The following RSRC1 variants were observed in gnomAD, a reference collection of about 807,000 sequenced individuals.
RSRC1 encodes the protein arginine and serine rich coiled-coil 1.
RSRC1 carries 39 observed loss-of-function variants against 49.1 expected under a neutral mutation model. The ratio of observed to expected loss-of-function variants is 0.79; its 90% confidence interval spans 0.61 to 1.04. The LOEUF is 1.04. RSRC1 is among the 50% of genes least tolerant of loss of function. The probability of loss-of-function intolerance (pLI) is 0.00; values close to 1 mark genes in which losing one functional copy is unlikely to be tolerated. For missense variants in RSRC1, 388 were observed against 402.4 expected (o/e 0.96, Z 0.31); for synonymous variants, 143 against 130.8 (o/e 1.09, Z -0.63).
At chr3:158,511,721 T>C (rs1271390264) in intron 7 of RSRC1, among the ~76,000 whole-genome samples, 1 of 152,242 alleles carries the variant, frequency 6.6e-6, no homozygotes, top group East Asian at 1.9e-4. Context: ...ATGGTTGAAC[T>C]AGTTTACAGT....
At chr3:158,116,582 T>G (rs1038099334) in intron 1 of RSRC1, among the ~76,000 whole-genome samples, 1 of 152,176 alleles carries the variant, frequency 6.6e-6, no homozygotes, top group African/African-American at 2.4e-5. Flanking sequence ...CAGTGACTAC[T>G]AAGTATAATT....
At chr3:158,510,891 T>G (rs1740128582) in intron 7 of RSRC1, among the ~76,000 whole-genome samples, 2 of 152,200 alleles carry the variant, frequency 1.3e-5, no homozygotes, top group South Asian at 4.1e-4. Context: ...TTTCATTAAA[T>G]AGATTAAGTA....
chr3:158,517,493 G>T (rs1348850052), intron 7 of RSRC1, among the ~76,000 whole-genome samples: 11 of 151,936 alleles, frequency 7.2e-5, no homozygotes, highest in African/African-American at 2.7e-4. Flanking sequence ...TTTTTTATAG[G>T]GGGTGATGTT....
At chr3:158,221,850 G>T (rs998874903) in intron 4 of RSRC1, among the ~76,000 whole-genome samples, 1 of 151,422 alleles carries the variant, frequency 6.6e-6, no homozygotes, top group African/African-American at 2.4e-5. Context: ...TTTAAAAGAG[G>T]TATTTATTAT....
At chr3:158,392,198 A>G (rs1166789578) in intron 6 of RSRC1, among the ~76,000 whole-genome samples, 1 of 152,144 alleles carries the variant, frequency 6.6e-6, no homozygotes, top group Non-Finnish European at 1.5e-5. Context: ...ATAGATTCAG[A>G]TATCAATTGC....
At chr3:158,428,000 G>A (rs1449541855) in intron 6 of RSRC1, among the ~76,000 whole-genome samples, 1 of 151,464 alleles carries the variant, frequency 6.6e-6, no homozygotes, top group African/African-American at 2.4e-5. Context: ...TTTGGTTCTT[G>A]AGATATACTG....
At chr3:158,274,219 G>A (rs1194336477) in intron 4 of RSRC1, among the ~76,000 whole-genome samples, 1 of 152,056 alleles carries the variant, frequency 6.6e-6, no homozygotes, top group Non-Finnish European at 1.5e-5. Flanking sequence ...CTGAGAACAT[G>A]TTTGGGATTT....
At chr3:158,371,659 C>G (rs1364976807) in intron 6 of RSRC1, among the ~76,000 whole-genome samples, 1 of 151,800 alleles carries the variant, frequency 6.6e-6, no homozygotes, top group Non-Finnish European at 1.5e-5. Context: ...ATGAAATAAA[C>G]CATTATAACT....
chr3:158,453,795 A>G lies in RSRC1; in HGVS notation c.584-7140A>G, dbSNP rs185414149. ...ATGGCCCTGTGGCTTTTAAATGTTT[A>G]TGTTTGTGTGTATGTGTATTTACTT... On this transcript the variant is annotated intron_variant, in intron 6 of 9. Transcript: ENST00000611884. Among the ~76,000 whole-genome samples the G allele has an allele frequency of 5.3e-5, 8 of 151,888 alleles. No homozygotes were observed. In the East Asian group the frequency reaches 1.5e-3, roughly 29 times the overall value.
intron 4 of RSRC1, among the ~76,000 whole-genome samples, chr3:158,297,827 T>G (rs1168704095): frequency 1.3e-5 from 2 of 151,990 alleles, no homozygotes; most frequent in African/African-American, 4.8e-5. Context: ...AATCTGAAAC[T>G]TTTTTTAGTG....
intron 7 of RSRC1, among the ~76,000 whole-genome samples, chr3:158,516,867 C>A (rs1026848986): frequency 7.2e-5 from 11 of 152,314 alleles, no homozygotes; most frequent in Non-Finnish European, 1.3e-4. Flanking sequence ...TTCCAGGTGC[C>A]GTCTGTCACC....
chr3:158,402,853 G>C (rs1253097837), intron 6 of RSRC1, among the ~76,000 whole-genome samples: 2 of 151,776 alleles, frequency 1.3e-5, no homozygotes, highest in Admixed American at 6.6e-5. Context: ...TTGCCTTTAA[G>C]CTGTATGTAT....
At chr3:158,276,912 C>G (rs1725851378) in intron 4 of RSRC1, among the ~76,000 whole-genome samples, 1 of 152,094 alleles carries the variant, frequency 6.6e-6, no homozygotes. Context: ...CCCCCATTTC[C>G]TAAAGTCAAA....
intron 6 of RSRC1, among the ~76,000 whole-genome samples, chr3:158,445,660 CA>C (rs752318115): frequency 6.6e-6 from 1 of 151,836 alleles, no homozygotes; most frequent in African/African-American, 2.4e-5. Flanking sequence ...ACAACAACAA[CA>C]ACGAAAAAAA....
chr3:158,171,953 TCAACAACAA>T (rs374799867), intron 3 of RSRC1, among the ~76,000 whole-genome samples: 6,533 of 151,102 alleles, frequency 0.043, 444 homozygotes, highest in African/African-American at 0.15. Context: ...CTGTGTCGCT[TCAACAACAA>T]CAACAACAAC....
At chr3:158,268,999 A>T (rs827090) in intron 4 of RSRC1, among the ~76,000 whole-genome samples, 93,339 of 151,974 alleles carry the variant, frequency 0.61, 29,042 homozygotes, top group East Asian at 0.73. Context: ...CCATAACCAG[A>T]TTGAAAAAGG....
chr3:158,173,516 T>G (rs775952440), intron 3 of RSRC1, among the ~76,000 whole-genome samples: 1 of 152,022 alleles, frequency 6.6e-6, no homozygotes, highest in Non-Finnish European at 1.5e-5. Context: ...TACATATTTA[T>G]GTATGTATAT....
At chr3:158,502,262 G>T (rs1452798772) in intron 7 of RSRC1, among the ~76,000 whole-genome samples, 1 of 152,116 alleles carries the variant, frequency 6.6e-6, no homozygotes. Flanking sequence ...TCCTTTATAG[G>T]TTACCTGGTA....
At position 158,276,252 on chromosome 3, in the gene RSRC1, T is replaced by C. The variant is rs1010248547; in HGVS notation, c.495-21787T>C. On this transcript the variant is annotated intron_variant, in intron 4 of 9. Transcript: ENST00000611884. ...ACGAATCCTATATATAATGTAACCTTTCTTGGCCTTGCAGCCCAGTCTGCA... is the reference window on the plus strand; with the variant it reads ...ACGAATCCTATATATAATGTAACCTCTCTTGGCCTTGCAGCCCAGTCTGCA... 13 of 771,082 alleles carry C rather than the reference T, an allele frequency of 1.7e-5. No homozygotes were observed. The African/African-American group carries it at 2.0e-4, about 12-fold the overall frequency. The allele number at this position is 771,082 out of a possible 1,614,324, so 47.8% of individuals were successfully genotyped here. A position where few individuals can be genotyped will look rare whatever the true frequency, so the allele number is the denominator to read the frequency against.
Sources: gnomAD v4.1 joint callset for allele counts (sites outside exome capture counted in the v4.1 genomes callset) on GRCh38, gnomAD v4.1.1 for gene constraint, MANE v1.5 for transcripts, NCBI Gene and HGNC (gene_info 2026-07-23, HGNC 2026-07-21) for gene names.